Variants in DOCK8 observed in about 807,000 individuals in gnomAD.
DOCK8 encodes dedicator of cytokinesis protein 8.
A neutral mutation model predicts 245.6 loss-of-function variants in DOCK8; 141 were observed. That is an observed-to-expected ratio of 0.57 (90% CI 0.50 to 0.66). The LOEUF (loss-of-function observed/expected upper bound fraction) is 0.66, where lower values mean the gene tolerates loss of function less well. DOCK8 is among the 30% of genes least tolerant of loss of function. The pLI is 0.00. For missense variants in DOCK8, 2,965 were observed against 2,603.4 expected (o/e 1.14, Z -3.02); for synonymous variants, 1,168 against 970.2 (o/e 1.20, Z -3.79).
At chr9:421,135 G>A in intron 32 of DOCK8, 57 bp downstream of exon 32, 2 of 1,608,616 alleles carry the variant, frequency 1.2e-6, no homozygotes, top group South Asian at 2.2e-5. Context: ...CTGTTTGTGG[G>A]GAGGAATGTC....
intron 33 of DOCK8, among the ~76,000 whole-genome samples, chr9:423,732 G>A (rs2056371382): frequency 6.6e-6 from 1 of 152,088 alleles, no homozygotes; most frequent in Non-Finnish European, 1.5e-5. Flanking sequence ...AAAATACTTG[G>A]ATCGGAGAGT....
intron 25 of DOCK8, among the ~76,000 whole-genome samples, chr9:397,570 A>G (rs901907537): frequency 5.3e-5 from 8 of 151,240 alleles, no homozygotes; most frequent in Non-Finnish European, 1.0e-4. Flanking sequence ...CGTACCTGTA[A>G]TCCCAGCTTC....
intron 32 of DOCK8, 69 bp downstream of exon 32, chr9:421,147 T>C: frequency 6.3e-7 from 1 of 1,592,372 alleles, no homozygotes; most frequent in Non-Finnish European, 8.6e-7. Context: ...AGGAATGTCC[T>C]CCCAACATGA....
At chr9:257,618 C>G (rs1481043568) in intron 1 of DOCK8, among the ~76,000 whole-genome samples, 1 of 152,196 alleles carries the variant, frequency 6.6e-6, no homozygotes, top group Non-Finnish European at 1.5e-5. Flanking sequence ...CTTCCAGGTT[C>G]AAGCGATTCT....
rs1197388365 is a variant in DOCK8, at chr9:215,029, G to A, written c.53G>A (p.Arg18Lys). ...CGCGCGTTCGCGCTCAAGATCAACA[G>A]GTAAGACGCCCCCCGCGGCGCGCAG... The part of the protein sequence containing the change: ...ERRAFALKIN[R>K]YSSAEIRKQF... Residue 18 changes from arginine (R) to lysine (K), a missense_variant and splice_region_variant, in exon 1 of 48, where the codon AGG becomes AAG. This residue lies in a region of DOCK8 where 2,825 missense variants were observed against 2,453.5 expected (regional missense o/e 1.15). Transcript: ENST00000432829. 6.3e-7 allele frequency: 1 copy of A among 1,582,496 alleles called. No homozygotes were observed. The highest frequency in any genetic ancestry group is 8.5e-7 in the Non-Finnish European group (1 of 1,171,444).
chr9:441,254 A>T, intron 40 of DOCK8, 32 bp from the exon 41 acceptor site: 1 of 1,613,960 alleles, frequency 6.2e-7, no homozygotes. Flanking sequence ...AGTGGATTAA[A>T]TTCTCTCTGA....
chr9:382,521 A>G lies in DOCK8; in HGVS notation c.2614A>G (p.Thr872Ala). ...TGCCTGGTGGGGTGCAGGCGCTCCCACTGCCCTCCTAGACCCTCGGAGCTA... is the reference window on the plus strand; with the variant it reads ...TGCCTGGTGGGGTGCAGGCGCTCCCGCTGCCCTCCTAGACCCTCGGAGCTA... The part of the protein sequence containing the change: ...QRDVPKSGAP[T>A]ALLDPRSYHT... The change falls in exon 22 of 48, where the codon ACT becomes GCT. Residue 872 changes from threonine (T) to alanine (A), a missense_variant. By Grantham distance (58) the Thr-to-Ala change is moderately conservative. Coordinates refer to ENST00000432829, the MANE Select transcript of DOCK8 (RefSeq NM_203447.4). The G allele has an allele frequency of 1.9e-6, 3 of 1,613,736 alleles. No homozygotes were observed. Among genetic ancestry groups the G allele is most frequent in the Non-Finnish European group, 2.5e-6 (3 of 1,179,870 alleles).
chr9:214,857 C>T (rs757429478), upstream of DOCK8: 2 of 1,602,066 alleles, frequency 1.2e-6, no homozygotes, highest in Admixed American at 1.7e-5. Flanking sequence ...AAGTTTCCAG[C>T]GCCGACCGAC....
At chr9:442,702 T>G (rs1363241877) in intron 42 of DOCK8, among the ~76,000 whole-genome samples, 1 of 151,548 alleles carries the variant, frequency 6.6e-6, no homozygotes, top group African/African-American at 2.4e-5. Context: ...CCGATGGGAT[T>G]TGGATGAACA....
chr9:443,349 C>G, intron 42 of DOCK8, 78 bp from the exon 43 acceptor site: 1 of 1,411,554 alleles, frequency 7.1e-7, no homozygotes, highest in Non-Finnish European at 1.0e-6. Context: ...TTGCTCCAAA[C>G]TTATTTCACT....
chr9:349,714 G>A (rs982799476), intron 14 of DOCK8, among the ~76,000 whole-genome samples: 1 of 152,098 alleles, frequency 6.6e-6, no homozygotes, highest in Non-Finnish European at 1.5e-5. Flanking sequence ...GACCAGTTTC[G>A]TTATCCCATT....
intron 28 of DOCK8, among the ~76,000 whole-genome samples, chr9:413,677 A>C (rs1001536671): frequency 6.6e-6 from 1 of 152,224 alleles, no homozygotes; most frequent in Non-Finnish European, 1.5e-5. Context: ...CGTCAGGGAG[A>C]TGCATATTAA....
At position 334,460 on chromosome 9, in the gene DOCK8, G is replaced by A. The variant is rs372286583; in HGVS notation, c.1285+76G>A. ...CCCAGGTCCACAGCTTACTAGCGGG[G>A]ACTGGGGGCACAGTGAGGTGTGGGA... is the stretch of plus-strand genomic sequence containing the variant. On this transcript the variant is annotated intron_variant, in intron 11 of 47. Transcript: ENST00000432829. 19 of 1,513,960 alleles carry A rather than the reference G, an allele frequency of 1.3e-5. No homozygotes were observed. The South Asian group carries it at 2.2e-4, about 18-fold the overall frequency. The allele number at this position is 1,513,960 out of a possible 1,614,324, so 93.8% of individuals were successfully genotyped here. A position where few individuals can be genotyped will look rare whatever the true frequency, so the allele number is the denominator to read the frequency against.
At position 400,247 on chromosome 9, in the gene DOCK8, C is replaced by CCATCACCACCACCATCTT. The variant is rs1564012907; in HGVS notation, c.3234+990_3234+991insTCACCACCACCATCTTCA. On this transcript the variant is annotated intron_variant, in intron 26 of 47. Coordinates refer to ENST00000432829, the MANE Select transcript of DOCK8 (RefSeq NM_203447.4). ...ACCACCTCCACCATCACCACCACCT[C>CCATCACCACCACCATCTT]CACCATCACCACCACCTCCACCATC... Among the ~76,000 whole-genome samples the CCATCACCACCACCATCTT allele has an allele frequency of 1.9e-3, 124 of 66,210 alleles. 7 individuals are homozygous for CCATCACCACCACCATCTT. The highest frequency in any genetic ancestry group is 7.9e-3 in the African/African-American group (114 of 14,490). The allele number at this position is 66,210 out of a possible 152,430, so 43.4% of individuals were successfully genotyped here.
In DOCK8 at chr9:370,268, G is replaced by T; in HGVS notation, c.1836G>T (p.Gln612His). The change falls in exon 16 of 48, where the codon CAG becomes CAT. Residue 612 changes from glutamine (Q) to histidine (H), a missense_variant. Physicochemically the swap from Gln to His is conservative, Grantham distance 24 (BLOSUM62 0). Coordinates refer to ENST00000432829, the MANE Select transcript of DOCK8 (RefSeq NM_203447.4). ...FGKSSGPEFL[Q>H]EVYTAVTYHN... ...AATCCAGCGGGCCTGAATTTCTGCA[G>T]GAAGTGTACACAGCTGTTACATACC... 1 of 1,614,106 alleles carries T rather than the reference G, an allele frequency of 6.2e-7. No individual in the cohort carries two copies. Among genetic ancestry groups the T allele is most frequent in the East Asian group, 2.2e-5 (1 of 44,882 alleles).
chr9:386,580 T>A (rs1027629420), intron 23 of DOCK8, among the ~76,000 whole-genome samples, 154 bp downstream of exon 23: 7 of 152,230 alleles, frequency 4.6e-5, no homozygotes, highest in South Asian at 2.1e-4. Flanking sequence ...TGCAGCCCTG[T>A]CCTTTACGCC....
At chr9:224,980 A>G (rs2046960900) in intron 1 of DOCK8, among the ~76,000 whole-genome samples, 1 of 152,186 alleles carries the variant, frequency 6.6e-6, no homozygotes, top group South Asian at 2.1e-4. Context: ...TTACTCTTTC[A>G]TTCCAAATAA....
intron 14 of DOCK8, among the ~76,000 whole-genome samples, chr9:349,019 C>G (rs2052033305): frequency 6.6e-6 from 1 of 152,134 alleles, no homozygotes; most frequent in Non-Finnish European, 1.5e-5. Flanking sequence ...CCCTTGGGCC[C>G]TCAGCAGAAG....
At chr9:323,490 G>GC (rs1226117078) in intron 7 of DOCK8, among the ~76,000 whole-genome samples, 2 of 152,060 alleles carry the variant, frequency 1.3e-5, no homozygotes, top group African/African-American at 4.8e-5. Flanking sequence ...CAAAGTGCTG[G>GC]GATTACAGGC....
Sources: allele counts gnomAD v4.1 joint callset (sites outside exome capture counted in the v4.1 genomes callset), GRCh38; gene constraint gnomAD v4.1.1; regional missense constraint gnomAD v4.1.1; transcripts MANE v1.5; gene names NCBI Gene and HGNC (gene_info 2026-07-23, HGNC 2026-07-21).